SNTG1: variants seen among roughly 807,000 people sequenced by gnomAD.
The protein encoded by SNTG1 is syntrophin gamma 1, also known as gamma-1-syntrophin.
A neutral mutation model predicts 74.7 loss-of-function variants in SNTG1; 39 were observed. The observed-to-expected ratio is 0.52, with a 90% CI of 0.40 to 0.68. The LOEUF is 0.68. Among genes scored for constraint, SNTG1 ranks in the 30% least tolerant of loss-of-function variants. The pLI, the probability that SNTG1 is intolerant of heterozygous loss-of-function variation, is 0.00. For synonymous variants in SNTG1, 254 were observed against 217.1 expected (o/e 1.17, Z -1.49); for missense variants, 685 against 609.5 (o/e 1.12, Z -1.30).
At chr8:50,582,966 G>A (rs2130829240) in intron 12 of SNTG1, among the ~76,000 whole-genome samples, 1 of 152,064 alleles carries the variant, frequency 6.6e-6, no homozygotes, top group South Asian at 2.1e-4. Flanking sequence ...TATCACAACT[G>A]CAGCATAAAA....
intron 2 of SNTG1, among the ~76,000 whole-genome samples, chr8:50,345,297 C>T (rs1203357776): frequency 6.6e-6 from 1 of 152,172 alleles, no homozygotes; most frequent in East Asian, 1.9e-4. Context: ...AATTACTAGC[C>T]CATAGATATT....
At chr8:50,328,159 T>G (rs2130858807) in intron 2 of SNTG1, among the ~76,000 whole-genome samples, 1 of 151,580 alleles carries the variant, frequency 6.6e-6, no homozygotes, top group East Asian at 1.9e-4. Context: ...GAGTTTCTGA[T>G]CTATATCATT....
chr8:50,075,998 C>G (rs1344025741), intron 1 of SNTG1, among the ~76,000 whole-genome samples: 1 of 152,160 alleles, frequency 6.6e-6, no homozygotes, highest in Non-Finnish European at 1.5e-5. Context: ...GACCAAGAAA[C>G]CACCCCTTCC....
At chr8:50,504,255 T>C (rs1031672119) in intron 9 of SNTG1, among the ~76,000 whole-genome samples, 1 of 152,128 alleles carries the variant, frequency 6.6e-6, no homozygotes, top group Admixed American at 6.6e-5. Context: ...CTAATAGGCA[T>C]TTAGGTTGAT....
chr8:50,286,043 T>A (rs1430771328), intron 2 of SNTG1, among the ~76,000 whole-genome samples: 1 of 152,202 alleles, frequency 6.6e-6, no homozygotes, highest in Non-Finnish European at 1.5e-5. Flanking sequence ...TATTTTATTC[T>A]AACATTATAT....
intron 12 of SNTG1, among the ~76,000 whole-genome samples, chr8:50,584,014 C>T (rs1391775722): frequency 6.6e-6 from 1 of 152,038 alleles, no homozygotes; most frequent in African/African-American, 2.4e-5. Context: ...TGAGTGAGAA[C>T]ATGCGGTGTT....
chr8:49,994,421 A>ATTTTTTT (rs35821274), intron 1 of SNTG1, among the ~76,000 whole-genome samples: 2 of 135,128 alleles, frequency 1.5e-5, no homozygotes, highest in Non-Finnish European at 3.1e-5. Flanking sequence ...ATGCCCGGCT[A>ATTTTTTT]TTTTTTTTTT....
intron 1 of SNTG1, among the ~76,000 whole-genome samples, chr8:50,101,504 T>C (rs1210402657): frequency 6.6e-6 from 1 of 152,150 alleles, no homozygotes; most frequent in African/African-American, 2.4e-5. Context: ...CATGGTGGTT[T>C]TGATATGCAT....
intron 18 of SNTG1, among the ~76,000 whole-genome samples, chr8:50,775,241 T>G (rs1467986091): frequency 1.1e-4 from 16 of 151,510 alleles, no homozygotes; most frequent in Non-Finnish European, 2.2e-4. Flanking sequence ...TGTTTAAATT[T>G]TTAAATTGAA....
chr8:50,154,234 A>G (rs2082176789), intron 1 of SNTG1, among the ~76,000 whole-genome samples: 1 of 152,186 alleles, frequency 6.6e-6, no homozygotes. Flanking sequence ...CAAGCCAGGC[A>G]TGGGATATAA....
intron 12 of SNTG1, among the ~76,000 whole-genome samples, chr8:50,563,663 G>C (rs1351622080): frequency 1.3e-5 from 2 of 152,076 alleles, no homozygotes; most frequent in Non-Finnish European, 2.9e-5. Flanking sequence ...AGAGCAATTG[G>C]AAATAAGTGG....
At position 50,509,841 on chromosome 8, in the gene SNTG1, A is replaced by G. The variant is rs1319329315; in HGVS notation, c.466+6961A>G. ...GCTGAGATGATGGGGTTTTCTAAATATACAATCATGTCATCTGCAAGCAGG... is the reference window on the plus strand; with the variant it reads ...GCTGAGATGATGGGGTTTTCTAAATGTACAATCATGTCATCTGCAAGCAGG... On this transcript the variant is annotated intron_variant, in intron 9 of 18. Coordinates refer to ENST00000642720, the MANE Select transcript of SNTG1 (RefSeq NM_018967.5). 2.0e-5 allele frequency among the ~76,000 whole-genome samples: 3 copies of G among 152,168 alleles called. No individual in the cohort carries two copies. In the East Asian group the frequency reaches 5.8e-4, roughly 29 times the overall value.
intron 13 of SNTG1, among the ~76,000 whole-genome samples, chr8:50,656,521 A>T (rs1425632007): frequency 1.3e-5 from 2 of 152,172 alleles, no homozygotes; most frequent in African/African-American, 2.4e-5. Flanking sequence ...AACATTCTGT[A>T]TTAAAGCACA....
chr8:50,103,921 A>T (rs1377276379), intron 1 of SNTG1, among the ~76,000 whole-genome samples: 3 of 152,182 alleles, frequency 2.0e-5, no homozygotes, highest in African/African-American at 7.2e-5. Context: ...CCACTTGATC[A>T]TGCTGGATAA....
In SNTG1 at chr8:50,572,285, G is replaced by T. The variant is rs1221325742; in HGVS notation, c.811-18594G>T. Among the ~76,000 whole-genome samples, 651 of 150,874 alleles carry T rather than the reference G, an allele frequency of 4.3e-3. 8 individuals carry two copies. The highest frequency in any genetic ancestry group is 0.015 in the African/African-American group (612 of 41,074). On this transcript the variant is annotated intron_variant, in intron 12 of 18. Coordinates refer to ENST00000642720, the MANE Select transcript of SNTG1 (RefSeq NM_018967.5). ...ATATATATATATATATAGAGAGAGA[G>T]AGAGAGAGAGTCATTTCTGATGTTT...
At chr8:50,250,313 C>A (rs562638332) in intron 2 of SNTG1, among the ~76,000 whole-genome samples, 1 of 151,682 alleles carries the variant, frequency 6.6e-6, no homozygotes, top group African/African-American at 2.4e-5. Flanking sequence ...TAAAGAAAGC[C>A]TATGTGATAT....
chr8:50,253,157 T>C (rs2086716767), intron 2 of SNTG1, among the ~76,000 whole-genome samples: 1 of 152,148 alleles, frequency 6.6e-6, no homozygotes, highest in Non-Finnish European at 1.5e-5. Flanking sequence ...CCATGCTCAA[T>C]GGCTCACTGT....
intron 1 of SNTG1, among the ~76,000 whole-genome samples, chr8:50,127,854 A>T (rs10096183): frequency 1.3e-5 from 2 of 152,098 alleles, no homozygotes; most frequent in Non-Finnish European, 2.9e-5. Flanking sequence ...TGCAAGTCCA[A>T]TTGTTTTGTT....
At chr8:49,961,122 T>A (rs980435338) in intron 1 of SNTG1, among the ~76,000 whole-genome samples, 1 of 152,194 alleles carries the variant, frequency 6.6e-6, no homozygotes, top group African/African-American at 2.4e-5. Flanking sequence ...TAAGCTTGGT[T>A]ATGCAGGGTC....
Sources: gnomAD v4.1 joint callset for allele counts (sites outside exome capture counted in the v4.1 genomes callset) on GRCh38, gnomAD v4.1.1 for gene constraint, MANE v1.5 for transcripts, NCBI Gene and HGNC (gene_info 2026-07-23, HGNC 2026-07-21) for gene names.